The following LDLRAD2 variants were observed in gnomAD, a reference collection of about 807,000 sequenced individuals.
LDLRAD2 encodes low-density lipoprotein receptor class A domain-containing protein 2.
LDLRAD2 carries 25 observed loss-of-function variants against 24.9 expected under a neutral mutation model. That is an observed-to-expected ratio of 1.00 (90% CI 0.73 to 1.40). LDLRAD2 has a LOEUF of 1.40. LDLRAD2 is among the 40% of genes most tolerant of loss of function. The pLI, the probability that LDLRAD2 is intolerant of heterozygous loss-of-function variation, is 0.00. For missense variants in LDLRAD2, 391 were observed against 366.2 expected (o/e 1.07, Z -0.55); for synonymous variants, 182 against 166.7 (o/e 1.09, Z -0.71).
chr1:21,819,967 G>A lies in LDLRAD2; in HGVS notation c.644-1483G>A, dbSNP rs114950246. On this transcript the variant is annotated intron_variant, in intron 3 of 4. Transcript: ENST00000344642. ...GTAGGAGCAAGAGAGAGTGAGTGGG[G>A]AGGCACTGCACACTTTTAAACAACC... 3.4e-3 allele frequency among the ~76,000 whole-genome samples: 513 copies of A among 152,218 alleles called. 1 individual carries two copies. Among genetic ancestry groups the A allele is most frequent in the African/African-American group, 0.011 (470 of 41,524 alleles).
chr1:21,824,937 G>A lies in LDLRAD2; in HGVS notation c.*2722G>A. 1.4e-6 allele frequency: 1 copy of A among 710,278 alleles called. No homozygotes were observed. The allele number at this position is 710,278 out of a possible 1,614,324, so 44.0% of individuals were successfully genotyped here. Reference sequence around the variant, plus strand: ...ACGGGGGCTGCCAACAGAATTCAGGGAGCCTATGACCTTGGATGGGAAAGC... The same window carrying A: ...ACGGGGGCTGCCAACAGAATTCAGGAAGCCTATGACCTTGGATGGGAAAGC... On this transcript the variant is annotated 3_prime_UTR_variant, in exon 5 of 5. Transcript: ENST00000344642. This position sits in a 1 kb window ranked among gnomAD's most constrained non-coding sequence, Gnocchi z 5.9.
rs974783622 is a variant in LDLRAD2, at chr1:21,814,937, C to T, written c.511+114C>T. The T allele has an allele frequency of 1.8e-5, 19 of 1,043,462 alleles. No individual in the cohort carries two copies. The African/African-American group carries it at 1.8e-4, about 10-fold the overall frequency. 64.6% of individuals were successfully genotyped at this position (1,043,462 alleles called of 1,614,324 possible). On this transcript the variant is annotated intron_variant, in intron 2 of 4. Transcript: ENST00000344642. ...CCGACAGGGGAATGGCAGGGGTGCC[C>T]GAAGCACAAGATGGCAGGGACTGGG...
chr1:21,820,165 G>A (rs2152678962), intron 3 of LDLRAD2, among the ~76,000 whole-genome samples: 1 of 152,292 alleles, frequency 6.6e-6, no homozygotes, highest in South Asian at 2.1e-4. Flanking sequence ...AACTCTATCA[G>A]AATATATTTA....
chr1:21,825,097 G>T lies in LDLRAD2; in HGVS notation c.*2882G>T. On this transcript the variant is annotated 3_prime_UTR_variant, in exon 5 of 5. Coordinates refer to ENST00000344642, the MANE Select transcript of LDLRAD2 (RefSeq NM_001013693.3). ...ATTTGCTTATCACATGACAGTAGCT[G>T]CAAATATTTCAAAATATCATTTACA... The T allele has an allele frequency of 2.4e-6, 1 of 415,626 alleles. No individual in the cohort carries two copies. Among genetic ancestry groups the T allele is most frequent in the South Asian group, 2.3e-5 (1 of 43,202 alleles). 25.7% of individuals were successfully genotyped at this position (415,626 alleles called of 1,614,324 possible).
Position 21,812,466 on chromosome 1 carries a change from T to C in LDLRAD2, c.15T>C (p.Cys5=). 6.2e-7 allele frequency: 1 copy of C among 1,614,136 alleles called. No individual in the cohort carries two copies. The highest frequency in any genetic ancestry group is 8.5e-7 in the Non-Finnish European group (1 of 1,179,966). ...GCAGAGCCTGGATGGAGGCTTGTTGTCTTCTGCAGTTGCCCCAAAGGTTGC... is the reference window on the plus strand; with the variant it reads ...GCAGAGCCTGGATGGAGGCTTGTTGCCTTCTGCAGTTGCCCCAAAGGTTGC... The part of the protein sequence containing the change: MEAC[C]LLQLPQRLLL... Residue 5 remains cysteine, a synonymous_variant, in exon 1 of 5, where the codon TGT becomes TGC. Transcript: ENST00000344642.
At position 21,814,776 on chromosome 1, in the gene LDLRAD2, G is replaced by A. The variant is rs189027200; in HGVS notation, c.464G>A (p.Arg155His). 1 of 1,482,392 alleles carries A rather than the reference G, an allele frequency of 6.7e-7. No homozygotes were observed. 91.8% of individuals were successfully genotyped at this position (1,482,392 alleles called of 1,614,324 possible). ...GGCCTGCGCCTGGTCACGAGAGGCCGCCAGCCCCGCGTGGACTTCGTGGGC... is the reference window on the plus strand; with the variant it reads ...GGCCTGCGCCTGGTCACGAGAGGCCACCAGCCCCGCGTGGACTTCGTGGGC... ...FLGLRLVTRG[R>H]QPRVDFVGEV... The change falls in exon 2 of 5, where the codon CGC becomes CAC. Residue 155 changes from arginine (R) to histidine (H), a missense_variant. Physicochemically the swap from Arg to His is conservative, Grantham distance 29 (BLOSUM62 0). Transcript: ENST00000344642.
intron 1 of LDLRAD2, 68 bp from the exon 2 acceptor site, chr1:21,814,330 C>A (rs928284878): frequency 4.5e-6 from 6 of 1,336,086 alleles, no homozygotes; most frequent in Non-Finnish European, 5.0e-6. Context: ...GATCACACAG[C>A]GGGCAGGGGA....
chr1:21,815,075 G>A (rs1269249471), intron 2 of LDLRAD2, among the ~76,000 whole-genome samples: 1 of 152,100 alleles, frequency 6.6e-6, no homozygotes, highest in Non-Finnish European at 1.5e-5. Flanking sequence ...GCGTCAGACT[G>A]TCCTACCAGC....
At chr1:21,813,938 C>A (rs1016339129) in intron 1 of LDLRAD2, among the ~76,000 whole-genome samples, 1 of 150,798 alleles carries the variant, frequency 6.6e-6, no homozygotes, top group Non-Finnish European at 1.5e-5. Flanking sequence ...GTGGCTTGAT[C>A]TCAGCTCACT....
chr1:21,815,678 G>T (rs540412775), intron 2 of LDLRAD2, among the ~76,000 whole-genome samples: 22 of 152,274 alleles, frequency 1.4e-4, no homozygotes, highest in Non-Finnish European at 2.8e-4. Flanking sequence ...AACAGTACTT[G>T]CCCCATAGGG....
At position 21,824,763 on chromosome 1, in the gene LDLRAD2, G is replaced by A. The variant is rs778309550; in HGVS notation, c.*2548G>A. 34 of 1,612,810 alleles carry A rather than the reference G, an allele frequency of 2.1e-5. No individual in the cohort carries two copies. The highest frequency in any genetic ancestry group is 2.4e-5 in the Non-Finnish European group (28 of 1,179,572). Reference sequence around the variant, plus strand: ...AGCCATCATCGTGGAAATAGGCTCCGTACTGCCCAGGGGCATCTGTGGGAG... The same window carrying A: ...AGCCATCATCGTGGAAATAGGCTCCATACTGCCCAGGGGCATCTGTGGGAG... On this transcript the variant is annotated 3_prime_UTR_variant, in exon 5 of 5. Transcript: ENST00000344642. The surrounding 1 kb of genome is among the most constrained non-coding windows in gnomAD (Gnocchi z 5.9).
rs996567228 is a variant in LDLRAD2 at position 21,822,133 on chromosome 1, G to T, written c.806-69G>T. 4.3e-6 allele frequency: 7 copies of T among 1,613,146 alleles called. No individual in the cohort carries two copies. In the African/African-American group the frequency reaches 9.3e-5, roughly 22 times the overall value. On this transcript the variant is annotated intron_variant, in intron 4 of 4. Transcript: ENST00000344642. Reference sequence around the variant, plus strand: ...GCCTCACAGGGTTGGGGGCCTGGGGGCCTCGCTGATCCCAAGCCAGCTTGC... The same window carrying T: ...GCCTCACAGGGTTGGGGGCCTGGGGTCCTCGCTGATCCCAAGCCAGCTTGC...
At position 21,822,492 on chromosome 1, in the gene LDLRAD2, G is replaced by A. The variant is rs774542904; in HGVS notation, c.*277G>A. 23 of 446,518 alleles carry A rather than the reference G, an allele frequency of 5.2e-5. No homozygotes were observed. Among genetic ancestry groups the A allele is most frequent in the East Asian group, 4.6e-4 (11 of 24,084 alleles). The allele number at this position is 446,518 out of a possible 1,614,324, so 27.7% of individuals were successfully genotyped here. On this transcript the variant is annotated 3_prime_UTR_variant, in exon 5 of 5. Transcript: ENST00000344642. Reference sequence around the variant, plus strand: ...CTCTTCCTGAGCACCAGCGGCATCCGTCCGTCCGTTGTCTGTTGGAGGAGT... The same window carrying A: ...CTCTTCCTGAGCACCAGCGGCATCCATCCGTCCGTTGTCTGTTGGAGGAGT...
rs2097939458 is a variant in LDLRAD2 at position 21,812,478 on chromosome 1, G to A, written c.27G>A (p.Leu9=). Residue 9 remains leucine (L), a synonymous_variant, in exon 1 of 5, where the codon TTG becomes TTA. Transcript: ENST00000344642. MEACCLLQ[L]PQRLLLLGAA... is the part of the protein sequence containing the mutation. The stretch of plus-strand genomic sequence containing the variant: ...TGGAGGCTTGTTGTCTTCTGCAGTT[G>A]CCCCAAAGGTTGCTCTTGCTGGGGG... The A allele has an allele frequency of 1.2e-6, 2 of 1,614,148 alleles. No homozygotes were observed. Among genetic ancestry groups the A allele is most frequent in the African/African-American group, 2.7e-5 (2 of 75,070 alleles).
intron 4 of LDLRAD2, 33 bp from the exon 5 acceptor site, chr1:21,822,169 G>T (rs955122425): frequency 9.3e-6 from 15 of 1,613,978 alleles, no homozygotes; most frequent in African/African-American, 1.3e-5. Context: ...TTCACCCCCA[G>T]ATCTCACCTG....
Position 21,812,462 on chromosome 1 carries a change from G to C in LDLRAD2, c.11G>C (p.Cys4Ser), listed in dbSNP as rs1307321783. The C allele has an allele frequency of 1.2e-6, 2 of 1,613,968 alleles. No individual in the cohort carries two copies. The highest frequency in any genetic ancestry group is 1.7e-6 in the Non-Finnish European group (2 of 1,179,952). The change falls in exon 1 of 5, where the codon TGT (cysteine) becomes TCT (serine). Residue 4 changes from cysteine (C) to serine (S), a missense_variant. Cys to Ser is a moderately radical substitution (Grantham distance 112). Transcript: ENST00000344642. MEA[C>S]CLLQLPQRLL... ...CACAGCAGAGCCTGGATGGAGGCTT[G>C]TTGTCTTCTGCAGTTGCCCCAAAGG...
chr1:21,823,398 C>G lies in LDLRAD2; in HGVS notation c.*1183C>G. 1 of 1,565,666 alleles carries G rather than the reference C, an allele frequency of 6.4e-7. No homozygotes were observed. The highest frequency in any genetic ancestry group is 8.6e-7 in the Non-Finnish European group (1 of 1,160,384). ...GGGCTGTGGGGGCGGGGCGCCGGGT[C>G]GGGCCGAGTGCAGCACCAGGTTCTT... On this transcript the variant is annotated 3_prime_UTR_variant, in exon 5 of 5. Coordinates refer to ENST00000344642, the MANE Select transcript of LDLRAD2 (RefSeq NM_001013693.3).
intron 2 of LDLRAD2, among the ~76,000 whole-genome samples, chr1:21,815,191 CAT>C (rs534269732): frequency 2.0e-5 from 3 of 152,198 alleles, no homozygotes; most frequent in Non-Finnish European, 2.9e-5. Context: ...CATCCACACC[CAT>C]GTCACATACG....
chr1:21,824,508 C>T lies in LDLRAD2; in HGVS notation c.*2293C>T, dbSNP rs1279533988. The T allele has an allele frequency of 6.2e-7, 1 of 1,611,946 alleles. No homozygotes were observed. The highest frequency in any genetic ancestry group is 8.5e-7 in the Non-Finnish European group (1 of 1,179,492). ...AGCCAGCTTCCTGCCCCAGGAGCCC[C>T]AAGAGCCCAGCCGGATACCCACACT... is the stretch of plus-strand genomic sequence containing the variant. On this transcript the variant is annotated 3_prime_UTR_variant, in exon 5 of 5. Coordinates refer to ENST00000344642, the MANE Select transcript of LDLRAD2 (RefSeq NM_001013693.3). This position sits in a 1 kb window ranked among gnomAD's most constrained non-coding sequence, Gnocchi z 5.9.
Sources: gnomAD v4.1 joint callset for allele counts (sites outside exome capture counted in the v4.1 genomes callset) on GRCh38, gnomAD v4.1.1 for gene constraint, Gnocchi (gnomAD v3.1) non-coding constraint, MANE v1.5 for transcripts, NCBI Gene and HGNC (gene_info 2026-07-23, HGNC 2026-07-21) for gene names.